OSBPL8: variants seen among roughly 807,000 people sequenced by gnomAD.
OSBPL8 encodes oxysterol-binding protein-related protein 8.
OSBPL8 carries 59 observed loss-of-function variants against 125.5 expected under a neutral mutation model. The observed-to-expected ratio is 0.47, with a 90% CI of 0.38 to 0.58. The LOEUF is 0.58. Ranked by LOEUF, OSBPL8 falls within the 20% of genes least tolerant of loss-of-function variation. OSBPL8 has a pLI of 0.00. For missense variants in OSBPL8, 758 were observed against 1,047.8 expected, an observed-to-expected ratio of 0.72 and a Z score of 3.82; for synonymous variants, 330 against 338.9, an observed-to-expected ratio of 0.97 and a Z score of 0.29.
chr12:76,529,930 T>C (rs1298837612), intron 1 of OSBPL8, among the ~76,000 whole-genome samples: 1 of 152,210 alleles, frequency 6.6e-6, no homozygotes, highest in Non-Finnish European at 1.5e-5. Context: ...TATAGCCCCA[T>C]TTTCAAAATG....
intron 16 of OSBPL8, among the ~76,000 whole-genome samples, chr12:76,376,579 A>G (rs1952826948): frequency 6.6e-6 from 1 of 152,202 alleles, no homozygotes; most frequent in African/African-American, 2.4e-5. Flanking sequence ...TAGCGCATGG[A>G]TATCTACATG....
chr12:76,538,979 G>T (rs368051255), intron 1 of OSBPL8, among the ~76,000 whole-genome samples: 2 of 138,500 alleles, frequency 1.4e-5, no homozygotes, highest in East Asian at 4.4e-4. Flanking sequence ...TTAGAACTTC[G>T]AGGATGAAGT....
intron 7 of OSBPL8, 70 bp downstream of exon 7, chr12:76,399,803 T>C: frequency 1.6e-6 from 2 of 1,229,798 alleles, no homozygotes; most frequent in Non-Finnish European, 2.3e-6. Flanking sequence ...GCGTTAGGTA[T>C]ACTCCAGGCT....
In OSBPL8 at chr12:76,559,667, T is replaced by C. The variant is rs747829866; in HGVS notation, c.-338A>G. ...CCCCACCTTCCCTCAGTCGGCTTGC[T>C]ACCGGCAGCGGCTACTGCGGCGTCC... On this transcript the variant is annotated 5_prime_UTR_variant, in exon 1 of 24. Transcript: ENST00000261183. 2 of 152,200 alleles carry C rather than the reference T, an allele frequency of 1.3e-5. No individual in the cohort carries two copies. Among genetic ancestry groups the C allele is most frequent in the African/African-American group, 2.4e-5 (1 of 41,428 alleles). 9.4% of individuals were successfully genotyped at this position (152,200 alleles called of 1,614,324 possible). A position where few individuals can be genotyped will look rare whatever the true frequency, so the allele number is the denominator to read the frequency against.
chr12:76,380,172 G>A (rs540461892), intron 15 of OSBPL8, among the ~76,000 whole-genome samples: 2 of 152,290 alleles, frequency 1.3e-5, no homozygotes, highest in Non-Finnish European at 2.9e-5. Context: ...AAAAAAGCCT[G>A]CTTAGATTAT....
In OSBPL8 at chr12:76,459,761, A is replaced by G. The variant is rs1160398101; in HGVS notation, c.79+98T>C. 3.6e-6 allele frequency: 5 copies of G among 1,377,430 alleles called. No individual in the cohort carries two copies. In the Admixed American group the frequency reaches 8.8e-5, roughly 24 times the overall value. 85.3% of individuals were successfully genotyped at this position (1,377,430 alleles called of 1,614,324 possible). On this transcript the variant is annotated intron_variant, in intron 3 of 23. Transcript: ENST00000261183. ...TCCTGGAAAGAAAAGTAGAACACTT[A>G]ATAATTCAAAATTGAAACACCATTT...
At chr12:76,499,990 T>C (rs1879734746) in intron 1 of OSBPL8, among the ~76,000 whole-genome samples, 1 of 152,190 alleles carries the variant, frequency 6.6e-6, no homozygotes, top group East Asian at 1.9e-4. Flanking sequence ...CTGGAAGATT[T>C]CTTAAGAGTG....
At chr12:76,417,299 G>A (rs968197404) in intron 4 of OSBPL8, among the ~76,000 whole-genome samples, 1 of 152,168 alleles carries the variant, frequency 6.6e-6, no homozygotes, top group Non-Finnish European at 1.5e-5. Context: ...TTATTCTTGT[G>A]AAGGAAATCT....
chr12:76,478,600 G>A (rs897900003), intron 2 of OSBPL8, among the ~76,000 whole-genome samples: 2 of 150,784 alleles, frequency 1.3e-5, no homozygotes, highest in African/African-American at 4.9e-5. Flanking sequence ...CATTACTCAA[G>A]CCTCTAACAA....
At chr12:76,447,651 C>T (rs1017165862) in intron 4 of OSBPL8, among the ~76,000 whole-genome samples, 1 of 152,038 alleles carries the variant, frequency 6.6e-6, no homozygotes, top group East Asian at 1.9e-4. Flanking sequence ...TCAAGTGATT[C>T]CCCTGCCTCA....
At chr12:76,513,492 CT>C (rs1182437626) in intron 1 of OSBPL8, among the ~76,000 whole-genome samples, 12 of 152,124 alleles carry the variant, frequency 7.9e-5, no homozygotes, top group African/African-American at 2.9e-4. Context: ...AACTTTCTGC[CT>C]TGATGACTTG....
chr12:76,369,204 T>C lies in OSBPL8; in HGVS notation c.2328+10A>G, dbSNP rs200646890. On this transcript the variant is annotated intron_variant, in intron 21 of 23. Transcript: ENST00000261183. ...TATATACCTAGTGTACCTAGTTTTT[T>C]ATTACATACCATTGGAGTACGATGT... 1.8e-4 allele frequency: 287 copies of C among 1,605,362 alleles called. No homozygotes were observed. The highest frequency in any genetic ancestry group is 3.4e-4 in the Middle Eastern group (2 of 5,798).
chr12:76,360,632 C>T (rs189210360), intron 21 of OSBPL8, among the ~76,000 whole-genome samples: 79 of 152,338 alleles, frequency 5.2e-4, no homozygotes, highest in African/African-American at 1.3e-3. Flanking sequence ...TCATGAGGGC[C>T]GTGCCCCTGC....
At chr12:76,441,794 G>A (rs1386675489) in intron 4 of OSBPL8, among the ~76,000 whole-genome samples, 6 of 151,988 alleles carry the variant, frequency 3.9e-5, no homozygotes, top group African/African-American at 1.4e-4. Flanking sequence ...GAAGAGTAGT[G>A]AGAGGGTGGG....
At chr12:76,400,715 A>G (rs1954017507) in intron 6 of OSBPL8, among the ~76,000 whole-genome samples, 2 of 151,466 alleles carry the variant, frequency 1.3e-5, no homozygotes, top group South Asian at 2.1e-4. Flanking sequence ...AGCAGGAGTT[A>G]GTCTTAGACA....
chr12:76,412,853 G>A (rs1256708289), intron 4 of OSBPL8, among the ~76,000 whole-genome samples: 2 of 152,268 alleles, frequency 1.3e-5, no homozygotes, highest in East Asian at 3.9e-4. Flanking sequence ...ATGCCATGGA[G>A]CCTCTCAAGA....
chr12:76,524,113 GATGA>G (rs1251472977), intron 1 of OSBPL8, among the ~76,000 whole-genome samples: 1 of 152,118 alleles, frequency 6.6e-6, no homozygotes, highest in African/African-American at 2.4e-5. Context: ...ATGGCACTAA[GATGA>G]ATGAATGAAT....
chr12:76,558,344 T>G, intron 1 of OSBPL8, among the ~76,000 whole-genome samples: 1 of 152,126 alleles, frequency 6.6e-6, no homozygotes, highest in Non-Finnish European at 1.5e-5. Flanking sequence ...ATTAGCAAAA[T>G]TTAACAATCA....
At chr12:76,487,186 C>T (rs1878238047) in intron 2 of OSBPL8, among the ~76,000 whole-genome samples, 2 of 151,890 alleles carry the variant, frequency 1.3e-5, no homozygotes, top group Admixed American at 6.6e-5. Context: ...TGTGCCACCA[C>T]ACCTGGCTAA....
Sources: allele counts gnomAD v4.1 joint callset (sites outside exome capture counted in the v4.1 genomes callset), GRCh38; gene constraint gnomAD v4.1.1; transcripts MANE v1.5; gene names NCBI Gene and HGNC (gene_info 2026-07-23, HGNC 2026-07-21).